Variants in TIMM44 observed in about 807,000 individuals in gnomAD.
The protein encoded by TIMM44 is mitochondrial import inner membrane translocase subunit TIM44.
In TIMM44, 37 loss-of-function variants were observed where a neutral mutation model predicts 63.8. The ratio of observed to expected loss-of-function variants is 0.58; its 90% confidence interval spans 0.45 to 0.76. TIMM44 has a LOEUF of 0.76. Ranked by LOEUF, TIMM44 falls within the 30% of genes least tolerant of loss-of-function variation. The pLI is 0.00. For missense variants in TIMM44, 573 were observed against 603.8 expected (o/e 0.95, Z 0.54); for synonymous variants, 239 against 245.1 (o/e 0.98, Z 0.23).
intron 1 of TIMM44, among the ~76,000 whole-genome samples, chr19:7,941,485 G>C (rs1213428138): frequency 2.6e-5 from 4 of 151,830 alleles, no homozygotes; most frequent in Non-Finnish European, 5.9e-5. Flanking sequence ...AAGCGGTTTT[G>C]CCATGTTGGC....
chr19:7,930,452 A>G (rs1037715258), intron 10 of TIMM44, among the ~76,000 whole-genome samples: 5 of 151,730 alleles, frequency 3.3e-5, no homozygotes, highest in Admixed American at 2.6e-4. Context: ...GGGATTACAG[A>G]CATGCACCAG....
intron 10 of TIMM44, among the ~76,000 whole-genome samples, chr19:7,930,640 G>A (rs936956267): frequency 6.6e-6 from 1 of 152,118 alleles, no homozygotes; most frequent in African/African-American, 2.4e-5. Flanking sequence ...GTAGAGACGG[G>A]ATCTTGCTAT....
chr19:7,935,396 C>T (rs948050769), intron 3 of TIMM44: 27 of 493,956 alleles, frequency 5.5e-5, no homozygotes, highest in Middle Eastern at 1.2e-3. Flanking sequence ...AACTTCTGAC[C>T]TCAAGTGATC....
Position 7,935,167 on chromosome 19 carries a change from C to CTTTTTTTTTTT in TIMM44, c.313-33_313-23dup. On this transcript the variant is annotated intron_variant, in intron 3 of 12. Coordinates refer to ENST00000270538, the MANE Select transcript of TIMM44 (RefSeq NM_006351.4). ...TTTTCTAGGTAAAGAGCGCTGTGTC[C>CTTTTTTTTTTT]TTTTTTTTTTTTTTTTTTTTGAGAC... The CTTTTTTTTTTT allele has an allele frequency of 1.6e-6, 2 of 1,254,054 alleles. 1 individual carries two copies. Among genetic ancestry groups the CTTTTTTTTTTT allele is most frequent in the Non-Finnish European group, 2.2e-6 (2 of 927,650 alleles). 77.7% of individuals were successfully genotyped at this position (1,254,054 alleles called of 1,614,324 possible).
chr19:7,933,793 G>A lies in TIMM44; in HGVS notation c.683+71C>T, dbSNP rs561489034. 5.6e-6 allele frequency: 9 copies of A among 1,596,328 alleles called. No homozygotes were observed. In the African/African-American group the frequency reaches 1.2e-4, roughly 21 times the overall value. ...ACGGACTCAGGAGGGAACCATTGGT[G>A]GGCTCCCGAAATGGACAGCAGTGAA... On this transcript the variant is annotated intron_variant, in intron 6 of 12. Transcript: ENST00000270538. This position sits in a 1 kb window ranked among gnomAD's most constrained non-coding sequence, Gnocchi z 4.3.
chr19:7,938,230 G>C (rs1028397300), intron 2 of TIMM44, 33 bp from the exon 3 acceptor site: 13 of 1,544,448 alleles, frequency 8.4e-6, no homozygotes, highest in Non-Finnish European at 1.1e-5. Flanking sequence ...AAAATTTAAA[G>C]AACATAGTAG....
At chr19:7,942,538 C>A (rs1984337975) in intron 1 of TIMM44, among the ~76,000 whole-genome samples, 2 of 152,140 alleles carry the variant, frequency 1.3e-5, no homozygotes, top group Non-Finnish European at 2.9e-5. Context: ...TACAACTTCT[C>A]CACCATTTCC....
At chr19:7,942,175 C>T (rs571295697) in intron 1 of TIMM44, among the ~76,000 whole-genome samples, 18 of 152,168 alleles carry the variant, frequency 1.2e-4, no homozygotes, top group African/African-American at 3.1e-4. Flanking sequence ...GGTGAAATCC[C>T]GTCTCTACCA....
In TIMM44 at chr19:7,933,545, T is replaced by C; in HGVS notation, c.709A>G (p.Lys237Glu). The C allele has an allele frequency of 1.2e-6, 2 of 1,614,038 alleles. No homozygotes were observed. Among genetic ancestry groups the C allele is most frequent in the Non-Finnish European group, 8.5e-7 (1 of 1,179,978 alleles). ...NEEALGVVLH[K>E]DSKWYQQWKD... The stretch of plus-strand genomic sequence containing the variant: ...CACTGCTGGTACCACTTGGAGTCCT[T>C]GTGCAGCACGACCCCCAGGGCCTCC... Residue 237 changes from lysine to glutamate, a missense_variant, in exon 7 of 13, where the codon AAG becomes GAG. Transcript: ENST00000270538. This position sits in a 1 kb window ranked among gnomAD's most constrained non-coding sequence, Gnocchi z 4.3.
At position 7,941,165 on chromosome 19, in the gene TIMM44, G is replaced by A. The variant is rs780232323; in HGVS notation, c.78C>T (p.Ser26=). ...RCLGSGIQFL[S]SHNLPHGSTY... ...TCGACCCATGGGGTAGGTTGTGGCT[G>A]GAAAGAAATTGGATTCCACTGCCGA... is the stretch of plus-strand genomic sequence containing the variant. The change falls in exon 2 of 13, where the codon TCC becomes TCT. Residue 26 remains serine, a synonymous_variant. Transcript: ENST00000270538. 6.2e-7 allele frequency: 1 copy of A among 1,614,128 alleles called. No homozygotes were observed. The highest frequency in any genetic ancestry group is 1.1e-5 in the South Asian group (1 of 91,072).
At chr19:7,930,499 G>A (rs1047099976) in intron 10 of TIMM44, among the ~76,000 whole-genome samples, 4 of 151,882 alleles carry the variant, frequency 2.6e-5, no homozygotes, top group African/African-American at 9.7e-5. Context: ...TAGAGATGGG[G>A]TTTCACCATG....
chr19:7,934,519 G>C lies in TIMM44; in HGVS notation c.394-281C>G, dbSNP rs1287946756. On this transcript the variant is annotated intron_variant, in intron 4 of 12. Transcript: ENST00000270538. This position sits in a 1 kb window ranked among gnomAD's most constrained non-coding sequence, Gnocchi z 5.3. ...CCAGAGCCATGAGCACACCGCCACG[G>C]CTTCCGGGATGCTGGCCCTGGGCTC... Among the ~76,000 whole-genome samples, 1 of 150,806 alleles carries C rather than the reference G, an allele frequency of 6.6e-6. No homozygotes were observed. The highest frequency in any genetic ancestry group is 2.5e-5 in the African/African-American group (1 of 40,544).
At chr19:7,927,351 AC>A in intron 12 of TIMM44, 45 bp from the exon 13 acceptor site, 1 of 1,584,180 alleles carries the variant, frequency 6.3e-7, no homozygotes. Context: ...GGTTGAGGTG[AC>A]CCAGGCAGCT....
At position 7,933,645 on chromosome 19, in the gene TIMM44, G is replaced by A. The variant is rs1984051883; in HGVS notation, c.684-75C>T. The A allele has an allele frequency of 7.1e-7, 1 of 1,415,470 alleles. No homozygotes were observed. Among genetic ancestry groups the A allele is most frequent in the Admixed American group, 1.7e-5 (1 of 59,540 alleles). 87.7% of individuals were successfully genotyped at this position (1,415,470 alleles called of 1,614,324 possible). A position where few individuals can be genotyped will look rare whatever the true frequency, so the allele number is the denominator to read the frequency against. ...TGTGCCCTCCTGCGGCTGCAGGCAG[G>A]GGGCAGTACAGGACAGCAGGCAGCT... On this transcript the variant is annotated intron_variant, in intron 6 of 12. Coordinates refer to ENST00000270538, the MANE Select transcript of TIMM44 (RefSeq NM_006351.4). This position sits in a 1 kb window ranked among gnomAD's most constrained non-coding sequence, Gnocchi z 4.3.
At chr19:7,937,923 C>T (rs1984199501) in intron 3 of TIMM44, 104 bp downstream of exon 3, 1 of 1,394,776 alleles carries the variant, frequency 7.2e-7, no homozygotes, top group East Asian at 2.3e-5. Flanking sequence ...GAGGCTGAGG[C>T]AGGGGAATCA....
At chr19:7,940,590 G>A (rs919668761) in intron 2 of TIMM44, among the ~76,000 whole-genome samples, 5 of 152,100 alleles carry the variant, frequency 3.3e-5, no homozygotes, top group Non-Finnish European at 5.9e-5. Flanking sequence ...GAATGTACGC[G>A]CTGCCCGAAT....
In TIMM44 at chr19:7,927,276, C is replaced by A; in HGVS notation, c.1270G>T (p.Ala424Ser). Reference sequence around the variant, plus strand: ...AGCTCGTCCTGGTCTCGGCAGAGCGCCCACACGTACAGCATCCGCAGCACC... The same window carrying A: ...AGCTCGTCCTGGTCTCGGCAGAGCGACCACACGTACAGCATCCGCAGCACC... ...DKVLRMLYVWALCRDQDELNP... is the reference protein window; with the variant it reads ...DKVLRMLYVWSLCRDQDELNP... Residue 424 changes from alanine (A) to serine (S), a missense_variant, in exon 13 of 13, where the codon GCG (alanine) becomes TCG (serine). Ala to Ser is a moderately conservative substitution (Grantham distance 99). Coordinates refer to ENST00000270538, the MANE Select transcript of TIMM44 (RefSeq NM_006351.4). 1.2e-6 allele frequency: 2 copies of A among 1,611,912 alleles called. No homozygotes were observed. The highest frequency in any genetic ancestry group is 1.7e-6 in the Non-Finnish European group (2 of 1,179,966).
Position 7,943,591 on chromosome 19 carries a change from C to T in TIMM44, c.45+16G>A, listed in dbSNP as rs768509913. The stretch of plus-strand genomic sequence containing the variant: ...GACCCCTAAGCTCGCCCTGCCAGCG[C>T]CGCACCGCCGCTCACCCGTGGACAG... On this transcript the variant is annotated intron_variant, in intron 1 of 12. Transcript: ENST00000270538. The surrounding 1 kb of genome is among the most constrained non-coding windows in gnomAD (Gnocchi z 4.3). 1.9e-6 allele frequency: 3 copies of T among 1,562,904 alleles called. No individual in the cohort carries two copies. Among genetic ancestry groups the T allele is most frequent in the Admixed American group, 3.6e-5 (2 of 54,970 alleles).
Position 7,928,166 on chromosome 19 carries a change from T to C in TIMM44, c.1039A>G (p.Thr347Ala). The change falls in exon 11 of 13, where the codon ACT becomes GCT. Residue 347 changes from threonine (T) to alanine (A), a missense_variant and splice_region_variant. Transcript: ENST00000270538. Reference sequence around the variant, plus strand: ...ATGGGGTGGGCCAGCTGGCTGTAAGTCTGCAATGAGAGGCCGACACGCCTG... The same window carrying C: ...ATGGGGTGGGCCAGCTGGCTGTAAGCCTGCAATGAGAGGCCGACACGCCTG... ...DILKDWCYEA[T>A]YSQLAHPIQQ... is the part of the protein sequence containing the mutation. 1 of 1,613,278 alleles carries C rather than the reference T, an allele frequency of 6.2e-7. No individual in the cohort carries two copies. Among genetic ancestry groups the C allele is most frequent in the South Asian group, 1.1e-5 (1 of 91,004 alleles).
Sources: allele counts gnomAD v4.1 joint callset (sites outside exome capture counted in the v4.1 genomes callset), GRCh38; gene constraint gnomAD v4.1.1; non-coding constraint Gnocchi (gnomAD v3.1); transcripts MANE v1.5; gene names NCBI Gene and HGNC (gene_info 2026-07-23, HGNC 2026-07-21).